Variants in ANKMY1 observed in about 807,000 individuals in gnomAD.
The protein encoded by ANKMY1 is ankyrin repeat and MYND domain-containing protein 1.
In ANKMY1, 98 loss-of-function variants were observed where a neutral mutation model predicts 102.0. The observed-to-expected ratio is 0.96, with a 90% CI of 0.82 to 1.14. ANKMY1 has a LOEUF of 1.14. Ranked by LOEUF, ANKMY1 falls within the 50% of genes most tolerant of loss-of-function variation. The pLI is 0.00. For synonymous variants in ANKMY1, 582 were observed against 559.9 expected (o/e 1.04, Z -0.56); for missense variants, 1,330 against 1,347.6 (o/e 0.99, Z 0.20).
At chr2:240,534,593 C>T (rs552568117) in intron 4 of ANKMY1, among the ~76,000 whole-genome samples, 3 of 152,020 alleles carry the variant, frequency 2.0e-5, no homozygotes, top group African/African-American at 7.2e-5. Flanking sequence ...CACAGCAAGA[C>T]CCTGTGTCAA....
At chr2:240,537,687 G>A (rs2087184294) in intron 4 of ANKMY1, among the ~76,000 whole-genome samples, 1 of 152,222 alleles carries the variant, frequency 6.6e-6, no homozygotes, top group South Asian at 2.1e-4. Flanking sequence ...ACAACGAAGT[G>A]TGCATGTCTA....
intron 2 of ANKMY1, 51 bp downstream of exon 2, chr2:240,557,139 C>A (rs751864837): frequency 5.8e-5 from 81 of 1,400,014 alleles, no homozygotes; most frequent in Non-Finnish European, 7.5e-5. Context: ...TCCCGGCTAA[C>A]CCTGGGCCCC....
intron 11 of ANKMY1, 114 bp downstream of exon 11, chr2:240,511,747 G>T: frequency 7.5e-7 from 1 of 1,338,320 alleles, no homozygotes; most frequent in Non-Finnish European, 9.8e-7. Context: ...CAAGCTCCCT[G>T]GCTTCTGCCT....
At chr2:240,505,672 G>T (rs1389479801) in intron 13 of ANKMY1, among the ~76,000 whole-genome samples, 1 of 152,096 alleles carries the variant, frequency 6.6e-6, no homozygotes, top group Non-Finnish European at 1.5e-5. Context: ...CTAGGTGAGG[G>T]CTCAGGGTGT....
upstream of ANKMY1, chr2:240,561,025 G>A (rs757425889): frequency 6.5e-6 from 10 of 1,536,506 alleles, no homozygotes; most frequent in East Asian, 1.4e-4. Context: ...GCCGCCGTCT[G>A]CACCGCGTAC....
chr2:240,524,757 T>C (rs1403105967), intron 7 of ANKMY1, among the ~76,000 whole-genome samples: 1 of 152,262 alleles, frequency 6.6e-6, no homozygotes, highest in Non-Finnish European at 1.5e-5. Flanking sequence ...TTTAATACAT[T>C]AGGCTAAATT....
intron 16 of ANKMY1, 45 bp downstream of exon 16, chr2:240,482,138 A>G (rs370499899): frequency 6.3e-7 from 1 of 1,598,552 alleles, no homozygotes; most frequent in African/African-American, 1.3e-5. Context: ...TGTCCAAACC[A>G]CAGGCTGCCA....
Position 240,524,259 on chromosome 2 carries a change from T to C in ANKMY1, c.1458A>G (p.Pro486=). Reference sequence around the variant, plus strand: ...AGACGCGTGGCAGGAGCAGTGGTGCTGGCGGTGGCCTCAGCTCATAGCTAC... The same window carrying C: ...AGACGCGTGGCAGGAGCAGTGGTGCCGGCGGTGGCCTCAGCTCATAGCTAC... ...SQGSYELRPP[P]APLLLPRVSG... Residue 486 remains proline (P), a synonymous_variant, in exon 8 of 18, where the codon CCA becomes CCG. Coordinates refer to ENST00000401804, the MANE Select transcript of ANKMY1 (RefSeq NM_001282771.3). 6.2e-7 allele frequency: 1 copy of C among 1,613,872 alleles called. No homozygotes were observed. Among genetic ancestry groups the C allele is most frequent in the South Asian group, 1.1e-5 (1 of 91,088 alleles).
At chr2:240,556,412 G>C (rs558609044) in intron 2 of ANKMY1, among the ~76,000 whole-genome samples, 26 of 152,186 alleles carry the variant, frequency 1.7e-4, no homozygotes, top group Non-Finnish European at 5.9e-5. Flanking sequence ...AGACATGCAG[G>C]CTCCTAGCTA....
intron 9 of ANKMY1, among the ~76,000 whole-genome samples, chr2:240,516,952 G>T (rs1342016644): frequency 6.6e-6 from 1 of 152,172 alleles, no homozygotes; most frequent in African/African-American, 2.4e-5. Flanking sequence ...AGTCTGGAAA[G>T]CTTTTCTCTT....
chr2:240,538,251 G>A (rs1178581218), intron 4 of ANKMY1, among the ~76,000 whole-genome samples: 1 of 152,112 alleles, frequency 6.6e-6, no homozygotes, highest in Non-Finnish European at 1.5e-5. Flanking sequence ...GGCCGGAGCC[G>A]GCTCCCTCTG....
At chr2:240,469,816 AC>A in the ANKMY1 span, among the ~76,000 whole-genome samples, 1 of 151,826 alleles carries the variant, frequency 6.6e-6, no homozygotes, top group Non-Finnish European at 1.5e-5. Flanking sequence ...ACATGTACAC[AC>A]ATGCACACAC....
In ANKMY1 at chr2:240,499,363, G is replaced by A. The variant is rs1340092737; in HGVS notation, c.2806+595C>T. On this transcript the variant is annotated intron_variant, in intron 15 of 17. Transcript: ENST00000401804. The surrounding 1 kb of genome is among the most constrained non-coding windows in gnomAD (Gnocchi z 4.2). ...GGGTATGTGGGGGTGGGGGTGAGTAGGTGGGTGGGGATGTGGGGGTAGGGA... is the reference window on the plus strand; with the variant it reads ...GGGTATGTGGGGGTGGGGGTGAGTAAGTGGGTGGGGATGTGGGGGTAGGGA... 7.0e-6 allele frequency among the ~76,000 whole-genome samples: 1 copy of A among 141,896 alleles called. No homozygotes were observed. Among genetic ancestry groups the A allele is most frequent in the Non-Finnish European group, 1.6e-5 (1 of 64,434 alleles). The allele number at this position is 141,896 out of a possible 152,430, so 93.1% of individuals were successfully genotyped here.
chr2:240,518,453 G>A (rs187069246), intron 9 of ANKMY1, among the ~76,000 whole-genome samples: 5 of 152,190 alleles, frequency 3.3e-5, no homozygotes, highest in East Asian at 3.9e-4. Flanking sequence ...AATTTTAGTC[G>A]GTTGAGGACA....
Position 240,543,346 on chromosome 2 carries a change from C to G in ANKMY1, c.480+9568G>C, listed in dbSNP as rs536415636. Among the ~76,000 whole-genome samples, 173 of 147,888 alleles carry G rather than the reference C, an allele frequency of 1.2e-3. 2 individuals carry two copies. Among genetic ancestry groups the G allele is most frequent in the Non-Finnish European group, 1.2e-3 (80 of 67,120 alleles). Reference sequence around the variant, plus strand: ...CCAGCCTGGGTGATAGAGCGAGACTCTTTCTCAAAAAAAAAAAAAAATTAT... The same window carrying G: ...CCAGCCTGGGTGATAGAGCGAGACTGTTTCTCAAAAAAAAAAAAAAATTAT... On this transcript the variant is annotated intron_variant, in intron 4 of 17. Transcript: ENST00000401804.
chr2:240,557,290 C>A lies in ANKMY1; in HGVS notation c.46G>T (p.Gly16Trp), dbSNP rs1329100231. The A allele has an allele frequency of 3.8e-6, 6 of 1,592,956 alleles. No homozygotes were observed. The African/African-American group carries it at 8.1e-5, about 22-fold the overall frequency. The change falls in exon 2 of 18, where the codon GGG becomes TGG. Residue 16 changes from glycine to tryptophan, a missense_variant. Physicochemically the swap from Gly to Trp is radical, Grantham distance 184 (BLOSUM62 -2). Coordinates refer to ENST00000401804, the MANE Select transcript of ANKMY1 (RefSeq NM_001282771.3). The stretch of plus-strand genomic sequence containing the variant: ...AGCGGGCGTTGGCGGCTGCCAGCCC[C>A]AGAGACTTCGTCCTCTAAGCTAAGG... ...ASLSLEDEVS[G>W]AGSRQRPLEG... is the part of the protein sequence containing the mutation.
chr2:240,545,903 C>T (rs28879394), intron 4 of ANKMY1, among the ~76,000 whole-genome samples: 24,793 of 152,102 alleles, frequency 0.16, 2,173 homozygotes, highest in Middle Eastern at 0.3. Context: ...CTGAAAGTGA[C>T]GGGGAGAATG....
chr2:240,544,609 A>C (rs2089863501), intron 4 of ANKMY1, among the ~76,000 whole-genome samples: 1 of 152,180 alleles, frequency 6.6e-6, no homozygotes. Context: ...GGTTCATCTC[A>C]CTAGGGAGTG....
At chr2:240,532,253 CAA>C in intron 4 of ANKMY1, 1 of 344,142 alleles carries the variant, frequency 2.9e-6, no homozygotes, top group Non-Finnish European at 6.0e-6. Context: ...AGCCAGGAAA[CAA>C]TGGAGTAGAA....
Sources: allele counts gnomAD v4.1 joint callset (sites outside exome capture counted in the v4.1 genomes callset), GRCh38; gene constraint gnomAD v4.1.1; non-coding constraint Gnocchi (gnomAD v3.1); transcripts MANE v1.5; gene names NCBI Gene and HGNC (gene_info 2026-07-23, HGNC 2026-07-21).